INSL6: variants seen among roughly 807,000 people sequenced by gnomAD.
The protein encoded by INSL6 is insulin like 6, also known as insulin-like peptide INSL6.
A neutral mutation model predicts 9.4 loss-of-function variants in INSL6; 16 were observed. The ratio of observed to expected loss-of-function variants is 1.70; its 90% CI spans 1.15 to 2.59. The LOEUF is 2.59. Ranked by LOEUF, INSL6 falls within the 30% of genes most tolerant of loss-of-function variation. The pLI is 0.00. For missense variants in INSL6, 391 were observed against 257.3 expected (o/e 1.52, Z -3.56); for synonymous variants, 154 against 96.9 (o/e 1.59, Z -3.46).
the INSL6 span, chr9:5,081,812 C>G: frequency 5.6e-6 from 9 of 1,613,498 alleles, no homozygotes; most frequent in Admixed American, 5.0e-5. Flanking sequence ...GACCGGGATC[C>G]TACACAGTTT....
intron 2 of INSL6, among the ~76,000 whole-genome samples, chr9:5,142,973 T>C (rs960979104): frequency 1.4e-4 from 21 of 152,242 alleles, no homozygotes; most frequent in African/African-American, 4.3e-4. Flanking sequence ...TTTTTATCTT[T>C]AGCTCTGTTT....
At chr9:5,154,588 A>C (rs1425642985) in intron 2 of INSL6, among the ~76,000 whole-genome samples, 3 of 152,254 alleles carry the variant, frequency 2.0e-5, no homozygotes, top group African/African-American at 7.2e-5. Context: ...ACAAAGGGCT[A>C]ATATCCAGAA....
At chr9:5,041,054 A>G in the INSL6 span, 3 of 687,890 alleles carry the variant, frequency 4.4e-6, no homozygotes, top group South Asian at 4.5e-5. Flanking sequence ...TCAGCGCCAT[A>G]GAGGGCGTCC....
the INSL6 span, among the ~76,000 whole-genome samples, chr9:5,005,528 G>A: frequency 2.0e-5 from 3 of 152,030 alleles, no homozygotes; most frequent in African/African-American, 7.2e-5. Context: ...TGGTCAAGAT[G>A]TATTCTTTTA....
At chr9:5,041,160 A>AT in the INSL6 span, 2 of 1,191,858 alleles carry the variant, frequency 1.7e-6, no homozygotes, top group Admixed American at 3.6e-5. Context: ...ACGCGCATGG[A>AT]TTATGTGCAC....
the INSL6 span, among the ~76,000 whole-genome samples, chr9:5,037,045 G>C: frequency 6.6e-6 from 1 of 152,136 alleles, no homozygotes; most frequent in Non-Finnish European, 1.5e-5. Context: ...AAAAGTGGGC[G>C]AAGGATACGA....
the INSL6 span, among the ~76,000 whole-genome samples, chr9:5,027,262 C>T: frequency 1.3e-5 from 2 of 152,086 alleles, no homozygotes; most frequent in African/African-American, 4.8e-5. Flanking sequence ...GCAAATATTG[C>T]AATAAAGCAA....
the INSL6 span, among the ~76,000 whole-genome samples, chr9:5,010,908 T>C: frequency 6.6e-6 from 1 of 152,194 alleles, no homozygotes; most frequent in African/African-American, 2.4e-5. Context: ...TTTTTCAGGA[T>C]TGTAGAATTC....
chr9:5,091,361 G>A, the INSL6 span: 5 of 152,820 alleles, frequency 3.3e-5, no homozygotes, highest in African/African-American at 4.8e-5. Context: ...GATATTTGAG[G>A]GGCCTTATTA....
chr9:4,997,008 G>A, the INSL6 span, among the ~76,000 whole-genome samples: 2 of 145,702 alleles, frequency 1.4e-5, no homozygotes, highest in East Asian at 4.2e-4. Flanking sequence ...GCTCACTGCA[G>A]CCTTGCCTTC....
the INSL6 span, among the ~76,000 whole-genome samples, chr9:5,034,949 G>A: frequency 6.6e-6 from 1 of 152,168 alleles, no homozygotes; most frequent in Non-Finnish European, 1.5e-5. Context: ...GAATGCTGGA[G>A]CTGGTGTTTT....
chr9:5,111,109 T>C, the INSL6 span: 1 of 1,218,258 alleles, frequency 8.2e-7, no homozygotes, highest in South Asian at 1.3e-5. Context: ...CCAGAACAGC[T>C]CCTCCTTTGA....
rs80252461 is a variant in INSL6, at chr9:5,184,024, C to A, written c.289+1290G>T. On this transcript the variant is annotated intron_variant, in intron 1 of 1. Transcript: ENST00000381641. The stretch of plus-strand genomic sequence containing the variant: ...CACTTCCTTCATTATAACAGAAGGA[C>A]AAGGTGAGGTTTGTATGTGGGTTAG... 8.2e-3 allele frequency among the ~76,000 whole-genome samples: 1,248 copies of A among 152,184 alleles called. 12 individuals carry two copies. The highest frequency in any genetic ancestry group is 0.028 in the African/African-American group (1,151 of 41,518).
chr9:5,167,226 C>T (rs568302649), intron 1 of INSL6, among the ~76,000 whole-genome samples: 1 of 152,188 alleles, frequency 6.6e-6, no homozygotes, highest in Non-Finnish European at 1.5e-5. Context: ...GAAAACCATG[C>T]TTTTACCATG....
At chr9:5,052,834 C>G in the INSL6 span, among the ~76,000 whole-genome samples, 16 of 152,100 alleles carry the variant, frequency 1.1e-4, no homozygotes, top group Admixed American at 9.8e-4. Context: ...TACTTCATTT[C>G]TTTTTATTGC....
At chr9:5,182,941 C>A (rs1825491630) in intron 1 of INSL6, among the ~76,000 whole-genome samples, 1 of 152,068 alleles carries the variant, frequency 6.6e-6, no homozygotes, top group African/African-American at 2.4e-5. Flanking sequence ...TGAAAAAAAG[C>A]ATTTTTTAAT....
intron 2 of INSL6, among the ~76,000 whole-genome samples, chr9:5,134,914 C>A (rs1309301345): frequency 1.3e-5 from 2 of 152,092 alleles, no homozygotes; most frequent in Non-Finnish European, 2.9e-5. Context: ...AGTCAAGACC[C>A]ATCAGTGTGC....
chr9:5,148,099 T>G (rs1824637784), intron 2 of INSL6, among the ~76,000 whole-genome samples: 1 of 152,126 alleles, frequency 6.6e-6, no homozygotes, highest in Non-Finnish European at 1.5e-5. Context: ...CCTTTGGAGG[T>G]TAAGGGGATA....
chr9:5,025,123 T>G, the INSL6 span, among the ~76,000 whole-genome samples: 1 of 152,222 alleles, frequency 6.6e-6, no homozygotes, highest in Non-Finnish European at 1.5e-5. Context: ...AAGTTCATTC[T>G]GACAGTTTTT....
Sources: gnomAD v4.1 joint callset for allele counts (sites outside exome capture counted in the v4.1 genomes callset) on GRCh38, gnomAD v4.1.1 for gene constraint, MANE v1.5 for transcripts, NCBI Gene and HGNC (gene_info 2026-07-23, HGNC 2026-07-21) for gene names.